MYO3A: variants seen among roughly 807,000 people sequenced by gnomAD.
MYO3A encodes myosin IIIA, also known as myosin-IIIa.
MYO3A carries 180 observed loss-of-function variants against 192.7 expected under a neutral mutation model. That is an observed-to-expected ratio of 0.93 (90% CI 0.83 to 1.06). The LOEUF (loss-of-function observed/expected upper bound fraction) is 1.06, where lower values mean the gene tolerates loss of function less well. Ranked by LOEUF, MYO3A falls within the 50% of genes least tolerant of loss-of-function variation. The pLI is 0.00. For synonymous variants in MYO3A, 628 were observed against 645.3 expected (o/e 0.97, Z 0.41); for missense variants, 1,896 against 1,905.0 (o/e 1.00, Z 0.09).
intron 18 of MYO3A, among the ~76,000 whole-genome samples, chr10:26,121,284 T>C (rs1031433900): frequency 6.6e-6 from 1 of 151,936 alleles, no homozygotes; most frequent in African/African-American, 2.4e-5. Flanking sequence ...ATCAAGTTTT[T>C]CTTAATAGTA....
At chr10:26,205,461 GTC>G (rs1260939792) in intron 34 of MYO3A, among the ~76,000 whole-genome samples, 2 of 108,338 alleles carry the variant, frequency 1.8e-5, no homozygotes, top group African/African-American at 8.8e-5. Context: ...CTGTGTGCTT[GTC>G]TTTTTTTTTT....
At chr10:26,176,941 G>A (rs948222995) in intron 31 of MYO3A, 96 bp downstream of exon 31, 3 of 1,414,406 alleles carry the variant, frequency 2.1e-6, no homozygotes, top group Non-Finnish European at 3.0e-6. Context: ...CAGATTTGAG[G>A]AGCCTGTGTC....
At position 26,157,426 on chromosome 10, in the gene MYO3A, A is replaced by G; in HGVS notation, c.2910A>G (p.Leu970=). The change falls in exon 26 of 35, where the codon CTA becomes CTG. Residue 970 remains leucine (L), a synonymous_variant. Coordinates refer to ENST00000642920, the MANE Select transcript of MYO3A (RefSeq NM_017433.5). ...AATATGACAAAGAGAAAGTTCTGCT[A>G]CAGCTTCGGTACACAGGAATTCTGG... is the stretch of plus-strand genomic sequence containing the variant. ...ARKYDKEKVL[L]QLRYTGILET... 2 of 1,614,190 alleles carry G rather than the reference A, an allele frequency of 1.2e-6. No homozygotes were observed. Among genetic ancestry groups the G allele is most frequent in the Non-Finnish European group, 1.7e-6 (2 of 1,180,004 alleles).
rs369966616 is a variant in MYO3A at position 26,079,813 on chromosome 10, T to A, written c.1360-8390T>A. Among the ~76,000 whole-genome samples, 3 of 152,280 alleles carry A rather than the reference T, an allele frequency of 2.0e-5. No homozygotes were observed. The East Asian group carries it at 5.8e-4, about 29-fold the overall frequency. ...CGCTGGATACAAAATTCTTGGCTGATAATTGTTTTGTTTGAGGAGGCTGAA... is the reference window on the plus strand; with the variant it reads ...CGCTGGATACAAAATTCTTGGCTGAAAATTGTTTTGTTTGAGGAGGCTGAA... On this transcript the variant is annotated intron_variant, in intron 14 of 34. Coordinates refer to ENST00000642920, the MANE Select transcript of MYO3A (RefSeq NM_017433.5).
chr10:26,174,579 T>C, intron 30 of MYO3A, 22 bp downstream of exon 30: 1 of 1,589,818 alleles, frequency 6.3e-7, no homozygotes, highest in South Asian at 1.1e-5. Context: ...AATAAATTTA[T>C]TTACTAATAA....
rs973939916 is a variant in MYO3A at position 26,075,620 on chromosome 10, GAT to G, written c.1359+5226_1359+5227del. ...ATATATGTCTCTCTCATATATATATGATATATATGTCTCTCATATATGATATA... is the reference window on the plus strand; with the variant it reads ...ATATATGTCTCTCTCATATATATATGATATATGTCTCTCATATATGATATA... On this transcript the variant is annotated intron_variant, in intron 14 of 34. Transcript: ENST00000642920. Among the ~76,000 whole-genome samples the G allele has an allele frequency of 9.3e-5, 13 of 139,386 alleles. 1 individual carries two copies. The highest frequency in any genetic ancestry group is 8.0e-4 in the Admixed American group (11 of 13,728). The allele number at this position is 139,386 out of a possible 152,430, so 91.4% of individuals were successfully genotyped here.
intron 27 of MYO3A, among the ~76,000 whole-genome samples, 154 bp from the exon 28 acceptor site, chr10:26,168,556 CTG>C (rs1487799878): frequency 6.6e-6 from 1 of 152,170 alleles, no homozygotes; most frequent in African/African-American, 2.4e-5. Flanking sequence ...GCATAAAAAT[CTG>C]TACTGTCATA....
At chr10:26,109,059 A>G (rs535156422) in intron 17 of MYO3A, among the ~76,000 whole-genome samples, 6 of 152,360 alleles carry the variant, frequency 3.9e-5, no homozygotes, top group Non-Finnish European at 8.8e-5. Context: ...CATAGATTCA[A>G]ATGGAATTCC....
intron 22 of MYO3A, among the ~76,000 whole-genome samples, chr10:26,146,777 A>G (rs956445254): frequency 6.6e-6 from 1 of 152,180 alleles, no homozygotes; most frequent in Non-Finnish European, 1.5e-5. Context: ...ACTATATTGG[A>G]TCATTTCCAC....
chr10:25,961,177 G>C (rs755139470), intron 4 of MYO3A, among the ~76,000 whole-genome samples: 69 of 152,104 alleles, frequency 4.5e-4, no homozygotes, highest in Admixed American at 1.1e-3. Context: ...ATCATTGGCA[G>C]ATGTGCATTT....
At chr10:26,031,472 G>A (rs532192740) in intron 10 of MYO3A, among the ~76,000 whole-genome samples, 3 of 152,306 alleles carry the variant, frequency 2.0e-5, no homozygotes, top group South Asian at 2.1e-4. Context: ...GATCGCCCAC[G>A]TGTAGGTCAC....
chr10:26,069,974 A>T, intron 12 of MYO3A, 137 bp from the exon 13 acceptor site: 1 of 646,918 alleles, frequency 1.5e-6, no homozygotes, highest in Non-Finnish European at 2.7e-6. Flanking sequence ...TGTAACATGT[A>T]TGTAATAATG....
chr10:26,065,585 C>CAA (rs33982842), intron 10 of MYO3A, among the ~76,000 whole-genome samples: 9 of 23,262 alleles, frequency 3.9e-4, no homozygotes, highest in Non-Finnish European at 5.5e-4. Flanking sequence ...ACTCCATCTC[C>CAA]AAAAAAAAAA....
At chr10:26,175,876 C>G (rs1045527368) in intron 30 of MYO3A, among the ~76,000 whole-genome samples, 2 of 152,198 alleles carry the variant, frequency 1.3e-5, no homozygotes, top group African/African-American at 4.8e-5. Flanking sequence ...GCTGTCCCAG[C>G]AGGAGCCTCA....
At chr10:26,210,155 G>C (rs1044012248) in intron 34 of MYO3A, among the ~76,000 whole-genome samples, 1 of 150,960 alleles carries the variant, frequency 6.6e-6, no homozygotes, top group African/African-American at 2.4e-5. Flanking sequence ...AGGAAGAAAG[G>C]AAGGAAGGAA....
intron 10 of MYO3A, among the ~76,000 whole-genome samples, chr10:26,064,437 A>G (rs1175295172): frequency 6.6e-6 from 1 of 152,208 alleles, no homozygotes; most frequent in Non-Finnish European, 1.5e-5. Context: ...GTATTGAGGG[A>G]GGCACAGATG....
intron 9 of MYO3A, among the ~76,000 whole-genome samples, chr10:26,024,357 T>A (rs1239607518): frequency 4.6e-5 from 7 of 152,136 alleles, no homozygotes; most frequent in African/African-American, 1.7e-4. Flanking sequence ...GTGTTTTGCC[T>A]ATGGGTGTCA....
intron 14 of MYO3A, among the ~76,000 whole-genome samples, chr10:26,078,724 C>T (rs536282715): frequency 7.6e-4 from 115 of 151,958 alleles, no homozygotes; most frequent in African/African-American, 2.0e-3. Context: ...TTGTTCAGTT[C>T]GAAGAATTTT....
intron 10 of MYO3A, among the ~76,000 whole-genome samples, chr10:26,056,552 G>T (rs34089187): frequency 0.47 from 71,915 of 151,978 alleles, 17,861 homozygotes; most frequent in Middle Eastern, 0.59. Flanking sequence ...ATAATGGCAG[G>T]GCATATGTCC....
Sources: allele counts gnomAD v4.1 joint callset (sites outside exome capture counted in the v4.1 genomes callset), GRCh38; gene constraint gnomAD v4.1.1; transcripts MANE v1.5; gene names NCBI Gene and HGNC (gene_info 2026-07-23, HGNC 2026-07-21).